Variants in DNAH6 observed in about 807,000 individuals in gnomAD.
DNAH6 encodes the protein axonemal beta dynein heavy chain 6.
DNAH6 carries 340 observed loss-of-function variants against 491.4 expected under a neutral mutation model. The observed-to-expected ratio is 0.69, with a 90% CI of 0.63 to 0.76. The LOEUF is 0.76. DNAH6 is among the 30% of genes least tolerant of loss of function. The pLI is 0.00. For synonymous variants in DNAH6, 1,603 were observed against 1,686.1 expected, an observed-to-expected ratio of 0.95 and a Z score of 1.21; for missense variants, 4,443 against 4,972.2, an observed-to-expected ratio of 0.89 and a Z score of 3.20.
the DNAH6 span, among the ~76,000 whole-genome samples, chr2:84,499,538 C>G: frequency 6.6e-6 from 1 of 152,144 alleles, no homozygotes; most frequent in Admixed American, 6.5e-5. Flanking sequence ...TACTGATTTC[C>G]TTTCTTTTGG....
At chr2:84,497,263 G>T in the DNAH6 span, among the ~76,000 whole-genome samples, 1 of 152,000 alleles carries the variant, frequency 6.6e-6, no homozygotes, top group African/African-American at 2.4e-5. Context: ...GGGTCACCAC[G>T]CCCAGTCACA....
In DNAH6 at chr2:84,562,149, G is replaced by A. The variant is rs184570136; in HGVS notation, c.1803+4214G>A. Among the ~76,000 whole-genome samples, 5 of 152,046 alleles carry A rather than the reference G, an allele frequency of 3.3e-5. No individual in the cohort carries two copies. The East Asian group carries it at 9.7e-4, about 29-fold the overall frequency. On this transcript the variant is annotated intron_variant, in intron 11 of 76. Transcript: ENST00000389394. Reference sequence around the variant, plus strand: ...TTGATTGAGGTACAGTTAATAGGCTGGAATTAAAGAATATCAGTAAAACCC... The same window carrying A: ...TTGATTGAGGTACAGTTAATAGGCTAGAATTAAAGAATATCAGTAAAACCC...
In DNAH6 at chr2:84,654,795, A is replaced by G; in HGVS notation, c.5757+13A>G. 1 of 1,550,214 alleles carries G rather than the reference A, an allele frequency of 6.5e-7. No individual in the cohort carries two copies. Among genetic ancestry groups the G allele is most frequent in the East Asian group, 2.4e-5 (1 of 40,886 alleles). ...TATTTCTAAAAAAGTAAGTGCCATC[A>G]GATATTCCCCAATATCTCCATCTGT... On this transcript the variant is annotated intron_variant, in intron 35 of 76. Transcript: ENST00000389394.
chr2:84,495,182 T>A, the DNAH6 span, among the ~76,000 whole-genome samples: 2 of 152,236 alleles, frequency 1.3e-5, no homozygotes, highest in Non-Finnish European at 2.9e-5. Flanking sequence ...ATTTATTTAT[T>A]GAGACAGAGT....
chr2:84,522,246 G>A (rs566778093), intron 2 of DNAH6, among the ~76,000 whole-genome samples: 140 of 152,108 alleles, frequency 9.2e-4, no homozygotes, highest in African/African-American at 3.1e-3. Context: ...ATTGTGAATC[G>A]GATTGGGTTT....
In DNAH6 at chr2:84,578,364, C is replaced by T. The variant is rs1164227076; in HGVS notation, c.2076+956C>T. ...TTAGCTACTGTATGCTCAAGAAATA[C>T]TTGGATATGTATTTACTGTAAGCCC... On this transcript the variant is annotated intron_variant, in intron 13 of 76. Coordinates refer to ENST00000389394, the MANE Select transcript of DNAH6 (RefSeq NM_001370.2). Among the ~76,000 whole-genome samples, 4 of 152,064 alleles carry T rather than the reference C, an allele frequency of 2.6e-5. No individual in the cohort carries two copies. In the East Asian group the frequency reaches 5.8e-4, roughly 22 times the overall value.
the DNAH6 span, among the ~76,000 whole-genome samples, chr2:84,465,224 GGT>G: frequency 6.6e-6 from 1 of 152,158 alleles, no homozygotes; most frequent in Admixed American, 6.5e-5. Flanking sequence ...GGCTGGGCGT[GGT>G]GGCTAACGCC....
At chr2:84,553,365 T>TTTCTTTCTTTC (rs201356778) in intron 10 of DNAH6, among the ~76,000 whole-genome samples, 8 of 19,802 alleles carry the variant, frequency 4.0e-4, no homozygotes, top group South Asian at 1.5e-3. Context: ...TTTTCTTTTC[T>TTTCTTTCTTTC]TTTCTTTCTT....
At chr2:84,503,233 C>T in the DNAH6 span, among the ~76,000 whole-genome samples, 276 of 152,228 alleles carry the variant, frequency 1.8e-3, no homozygotes, top group African/African-American at 6.4e-3. Flanking sequence ...AACAACTTAA[C>T]ACTGTTTGCA....
chr2:84,638,010 G>C lies in DNAH6; in HGVS notation c.4821+633G>C, dbSNP rs113494723. Among the ~76,000 whole-genome samples, 381 of 152,094 alleles carry C rather than the reference G, an allele frequency of 2.5e-3. 1 individual carries two copies. The highest frequency in any genetic ancestry group is 0.014 in the Middle Eastern group (4 of 294). ...TTTGGGAGACCAAAGTGGGAGGATCGCTTGAGTCCAGGAGTTAGAGACCAG... is the reference window on the plus strand; with the variant it reads ...TTTGGGAGACCAAAGTGGGAGGATCCCTTGAGTCCAGGAGTTAGAGACCAG... On this transcript the variant is annotated intron_variant, in intron 31 of 76. Transcript: ENST00000389394.
chr2:84,617,970 C>T (rs1473958041), intron 23 of DNAH6, among the ~76,000 whole-genome samples: 1 of 152,078 alleles, frequency 6.6e-6, no homozygotes, highest in Non-Finnish European at 1.5e-5. Context: ...AGAGTCTTCA[C>T]CTATCTCCCC....
At chr2:84,747,993 G>A (rs1416124180) in intron 63 of DNAH6, among the ~76,000 whole-genome samples, 1 of 152,206 alleles carries the variant, frequency 6.6e-6, no homozygotes, top group Non-Finnish European at 1.5e-5. Flanking sequence ...GCTTCCATAG[G>A]TGGCTCAGGA....
rs775967596 is a variant in DNAH6 at position 84,605,620 on chromosome 2, T to C, written c.3174+28T>C. The C allele has an allele frequency of 3.5e-5, 51 of 1,458,378 alleles. 1 individual carries two copies. The highest frequency in any genetic ancestry group is 3.2e-4 in the Admixed American group (16 of 50,382). 90.3% of individuals were successfully genotyped at this position (1,458,378 alleles called of 1,614,324 possible). Reference sequence around the variant, plus strand: ...GGGTAACTGGGTTATTGAAAACTTATGGTAAAGATCCCAGCCACACCTAGT... The same window carrying C: ...GGGTAACTGGGTTATTGAAAACTTACGGTAAAGATCCCAGCCACACCTAGT... On this transcript the variant is annotated intron_variant, in intron 20 of 76. Transcript: ENST00000389394.
At position 84,681,431 on chromosome 2, in the gene DNAH6, A is replaced by G. The variant is rs764941826; in HGVS notation, c.6819A>G (p.Ser2273=). 1 of 1,551,494 alleles carries G rather than the reference A, an allele frequency of 6.4e-7. No individual in the cohort carries two copies. The highest frequency in any genetic ancestry group is 1.4e-5 in the African/African-American group (1 of 73,028). Residue 2273 remains serine (S), a synonymous_variant, in exon 42 of 77, where the codon TCA becomes TCG. Coordinates refer to ENST00000389394, the MANE Select transcript of DNAH6 (RefSeq NM_001370.2). ...KQTASSIVEA[S]VEIYNKMSVD... is the part of the protein sequence containing the mutation. ...CTGCATCAAGCATTGTAGAAGCCTC[A>G]GTTGAGATTTATAACAAAATGAGTG...
At position 84,542,522 on chromosome 2, in the gene DNAH6, A is replaced by G. The variant is rs17025243; in HGVS notation, c.663-1711A>G. ...AAGCCGAGCAGGTTGAAGCTTTTCC[A>G]TGGCAGCCCTGAAGTTGGAGGGACT... is the stretch of plus-strand genomic sequence containing the variant. On this transcript the variant is annotated intron_variant, in intron 4 of 76. Coordinates refer to ENST00000389394, the MANE Select transcript of DNAH6 (RefSeq NM_001370.2). Among the ~76,000 whole-genome samples the G allele has an allele frequency of 8.8e-3, 1,342 of 152,216 alleles. 19 individuals carry two copies. The highest frequency in any genetic ancestry group is 0.027 in the African/African-American group (1,133 of 41,516).
Position 84,674,610 on chromosome 2 carries a change from ACTTTAT to A in DNAH6, c.6612+2133_6612+2138del, listed in dbSNP as rs572589488. Among the ~76,000 whole-genome samples the A allele has an allele frequency of 4.4e-3, 675 of 152,274 alleles. 3 individuals are homozygous for A. The highest frequency in any genetic ancestry group is 0.015 in the African/African-American group (627 of 41,552). On this transcript the variant is annotated intron_variant, in intron 40 of 76. Coordinates refer to ENST00000389394, the MANE Select transcript of DNAH6 (RefSeq NM_001370.2). ...ATGAACGCATATTCAGTTCCTGGGA[ACTTTAT>A]CTTTATAAACAAAGCAGTCTTTTGC...
In DNAH6 at chr2:84,665,934, C is replaced by T. The variant is rs191536981; in HGVS notation, c.6085-3355C>T. ...AAGTGGGCTTCATCCCTGGGATGCA[C>T]GGCTGGTTCAGCATACACAAATCAA... On this transcript the variant is annotated intron_variant, in intron 37 of 76. Transcript: ENST00000389394. 6.6e-5 allele frequency among the ~76,000 whole-genome samples: 10 copies of T among 152,200 alleles called. 1 individual carries two copies. The East Asian group carries it at 1.5e-3, about 24-fold the overall frequency.
At chr2:84,547,683 A>T (rs1246426235) in intron 7 of DNAH6, 71 bp downstream of exon 7, 1 of 1,442,312 alleles carries the variant, frequency 6.9e-7, no homozygotes, top group African/African-American at 1.4e-5. Context: ...TTTTTATTTG[A>T]CTTTTCTTAA....
intron 37 of DNAH6, among the ~76,000 whole-genome samples, chr2:84,664,123 G>A (rs575020711): frequency 2.4e-4 from 37 of 152,192 alleles, no homozygotes; most frequent in African/African-American, 7.5e-4. Flanking sequence ...AGGAATAACC[G>A]GTACCAGCCA....
Sources: gnomAD v4.1 joint callset for allele counts (sites outside exome capture counted in the v4.1 genomes callset) on GRCh38, gnomAD v4.1.1 for gene constraint, MANE v1.5 for transcripts, NCBI Gene and HGNC (gene_info 2026-07-23, HGNC 2026-07-21) for gene names.